The following PLCB2 variants were observed in gnomAD, a reference collection of about 807,000 sequenced individuals.
The protein encoded by PLCB2 is phospholipase C beta 2.
In PLCB2, 115 loss-of-function variants were observed where a neutral mutation model predicts 141.7. The ratio of observed to expected loss-of-function variants is 0.81; its 90% CI spans 0.70 to 0.95. PLCB2 has a LOEUF of 0.95. PLCB2 is among the 40% of genes least tolerant of loss of function. The pLI, the probability that PLCB2 is intolerant of heterozygous loss-of-function variation, is 0.00. For missense variants in PLCB2, 1,403 were observed against 1,541.1 expected (o/e 0.91, Z 1.50); for synonymous variants, 603 against 595.6 (o/e 1.01, Z -0.18).
Position 40,292,921 on chromosome 15 carries a change from C to T in PLCB2, c.2326+5G>A, listed in dbSNP as rs1431317639. On this transcript the variant is annotated splice_donor_5th_base_variant and intron_variant, in intron 21 of 31. Transcript: ENST00000260402. ...CTTGGAACAGTGAAGGACCCCACTC[C>T]TTACCAGAATTTAGGGCATTGATGG... The T allele has an allele frequency of 6.3e-7, 1 of 1,584,990 alleles. No homozygotes were observed. The highest frequency in any genetic ancestry group is 8.6e-7 in the Non-Finnish European group (1 of 1,158,942).
At chr15:40,292,694 T>C (rs1164147050) in intron 21 of PLCB2, among the ~76,000 whole-genome samples, 1 of 152,190 alleles carries the variant, frequency 6.6e-6, no homozygotes, top group East Asian at 1.9e-4. Context: ...TGCCCATAAG[T>C]GTCAGCTACT....
At position 40,296,872 on chromosome 15, in the gene PLCB2, G is replaced by A. The variant is rs1422924236; in HGVS notation, c.1360C>T (p.Leu454Phe). The change falls in exon 14 of 32, where the codon CTC becomes TTC. Residue 454 changes from leucine (L) to phenylalanine (F), a missense_variant. Around this residue, in one of 4 missense-constraint regions of PLCB2, gnomAD observed 975 missense variants for 1,141.1 expected, o/e 0.85. Coordinates refer to ENST00000260402, the MANE Select transcript of PLCB2 (RefSeq NM_004573.3). ...PGVPLPSPEDLRGKILIKNKK... is the reference protein window; with the variant it reads ...PGVPLPSPEDFRGKILIKNKK... ...TTCTTGATGAGGATCTTGCCCCTGAGATCCTCAGGGCTGGGCAGGGGGACA... is the reference window on the plus strand; with the variant it reads ...TTCTTGATGAGGATCTTGCCCCTGAAATCCTCAGGGCTGGGCAGGGGGACA... The A allele has an allele frequency of 1.2e-6, 2 of 1,614,138 alleles. No individual in the cohort carries two copies. The highest frequency in any genetic ancestry group is 4.5e-5 in the East Asian group (2 of 44,870).
At chr15:40,296,951 T>C (rs372239445) in intron 13 of PLCB2, 43 bp from the exon 14 acceptor site, 1 of 1,603,908 alleles carries the variant, frequency 6.2e-7, no homozygotes, top group Non-Finnish European at 8.5e-7. Flanking sequence ...CTCACCTTCA[T>C]GGCATAGCCT....
At chr15:40,301,412 G>A in intron 7 of PLCB2, 1 of 613,538 alleles carries the variant, frequency 1.6e-6, no homozygotes, top group Non-Finnish European at 2.9e-6. Flanking sequence ...TTCATGGGGT[G>A]ACCCTGCTTA....
intron 1 of PLCB2, among the ~76,000 whole-genome samples, 196 bp from the exon 2 acceptor site, chr15:40,304,274 T>C (rs2040683991): frequency 6.6e-6 from 1 of 151,776 alleles, no homozygotes; most frequent in Non-Finnish European, 1.5e-5. Flanking sequence ...AAGAGAAGGG[T>C]TTTCCCCTCT....
chr15:40,307,649 C>T lies in PLCB2; in HGVS notation c.24G>A (p.Leu8=). The change falls in exon 1 of 32, where the codon CTG becomes CTA. Residue 8 remains leucine, a synonymous_variant. Coordinates refer to ENST00000260402, the MANE Select transcript of PLCB2 (RefSeq NM_004573.3). The part of the protein sequence containing the change: MSLLNPV[L]LPPKVKAYLS... ...GATAGGCCTTCACCTTGGGGGGCAG[C>T]AGGACAGGGTTGAGCAGAGACATGG... 1 of 1,580,828 alleles carries T rather than the reference C, an allele frequency of 6.3e-7. No homozygotes were observed. The highest frequency in any genetic ancestry group is 1.2e-5 in the South Asian group (1 of 86,540).
intron 1 of PLCB2, among the ~76,000 whole-genome samples, chr15:40,304,938 G>A (rs1052643831): frequency 5.9e-5 from 9 of 152,158 alleles, no homozygotes; most frequent in Admixed American, 3.9e-4. Context: ...AATAGTTGCC[G>A]TATACTAAAA....
At position 40,302,396 on chromosome 15, in the gene PLCB2, C is replaced by T. The variant is rs28395842; in HGVS notation, c.373-47G>A. On this transcript the variant is annotated intron_variant, in intron 4 of 31. Transcript: ENST00000260402. ...CGGTCAGGCTCCTGAGCACCCCCGC[C>T]CAGGCCTGTGTCTCTCAGGAAGTCC... 1.4e-3 allele frequency: 2,326 copies of T among 1,611,898 alleles called. 26 individuals carry two copies. In the African/African-American group the frequency reaches 0.027, roughly 18 times the overall value.
intron 2 of PLCB2, 74 bp from the exon 3 acceptor site, chr15:40,303,430 A>G: frequency 9.6e-7 from 1 of 1,038,490 alleles, no homozygotes; most frequent in Non-Finnish European, 1.5e-6. Flanking sequence ...AAGAATGAGC[A>G]ATAGGGAGAA....
intron 29 of PLCB2, 139 bp downstream of exon 29, chr15:40,290,438 G>C (rs2039825580): frequency 1.4e-6 from 1 of 719,410 alleles, no homozygotes; most frequent in Non-Finnish European, 2.5e-6. Context: ...CTGATCAAAG[G>C]TGACAGGGGG....
chr15:40,287,036 A>T (rs978909106), downstream of PLCB2, among the ~76,000 whole-genome samples: 1 of 152,200 alleles, frequency 6.6e-6, no homozygotes, highest in Non-Finnish European at 1.5e-5. Flanking sequence ...GCTTACGTGC[A>T]CATGCCTGGG....
At chr15:40,294,566 G>T (rs560529985) in intron 18 of PLCB2, 146 bp from the exon 19 acceptor site, 6 of 782,546 alleles carry the variant, frequency 7.7e-6, no homozygotes, top group African/African-American at 1.7e-5. Flanking sequence ...TCCCAGTCTG[G>T]TTCCTTGCAG....
chr15:40,289,974 T>A lies in PLCB2; in HGVS notation c.3267+51A>T, dbSNP rs750783442. ...GAGAGAGAGAGAGAGAGAGAGTGTG[T>A]GTGTGTGTGTGTGTGTGTGTGTGTT... On this transcript the variant is annotated intron_variant, in intron 30 of 31. Transcript: ENST00000260402. 2.0e-5 allele frequency: 17 copies of A among 838,114 alleles called. No individual in the cohort carries two copies. In the African/African-American group the frequency reaches 2.7e-4, roughly 13 times the overall value. The allele number at this position is 838,114 out of a possible 1,614,324, so 51.9% of individuals were successfully genotyped here.
downstream of PLCB2, chr15:40,287,843 A>G: frequency 5.3e-6 from 4 of 761,356 alleles, no homozygotes; most frequent in South Asian, 1.2e-4. Context: ...GTTTCATTTC[A>G]GGGGCACTCC....
At chr15:40,284,279 G>C, downstream of PLCB2, 1 of 338,280 alleles carries the variant, frequency 3.0e-6, no homozygotes, top group South Asian at 2.2e-5. Flanking sequence ...AATTTACTGA[G>C]ACTTTTCATG....
intron 16 of PLCB2, among the ~76,000 whole-genome samples, chr15:40,295,528 G>A (rs111774373): frequency 6.6e-6 from 1 of 152,152 alleles, no homozygotes; most frequent in Non-Finnish European, 1.5e-5. Context: ...GATGTGGAGA[G>A]TGAGACCCAC....
chr15:40,298,687 A>G lies in PLCB2; in HGVS notation c.872T>C (p.Met291Thr). ...AQRGQLSPEG[M>T]VWFLCGPENS... ...CTCTGGCCCACAGAGAAACCAGACC[A>G]TGCCTTCAGGTGACAGCTGGCCTGG... The change falls in exon 10 of 32, where the codon ATG (methionine) becomes ACG (threonine). Residue 291 changes from methionine to threonine, a missense_variant. Coordinates refer to ENST00000260402, the MANE Select transcript of PLCB2 (RefSeq NM_004573.3). The G allele has an allele frequency of 6.2e-7, 1 of 1,614,182 alleles. No homozygotes were observed. The highest frequency in any genetic ancestry group is 8.5e-7 in the Non-Finnish European group (1 of 1,180,012).
At chr15:40,289,542 A>G (rs577275419) in intron 30 of PLCB2, 184 bp from the exon 31 acceptor site, 17 of 603,862 alleles carry the variant, frequency 2.8e-5, no homozygotes, top group Non-Finnish European at 4.7e-5. Flanking sequence ...AAGATTATAC[A>G]AGACAGCTCA....
Position 40,297,017 on chromosome 15 carries a change from C to G in PLCB2, c.1324-109G>C, listed in dbSNP as rs2305650. On this transcript the variant is annotated intron_variant, in intron 13 of 31. Coordinates refer to ENST00000260402, the MANE Select transcript of PLCB2 (RefSeq NM_004573.3). This position sits in a 1 kb window ranked among gnomAD's most constrained non-coding sequence, Gnocchi z 4.2. ...GCCTCCCCCACTCCTCTTGACCTGC[C>G]TCTCACTACTGCTTATCATCCCCAT... The G allele has an allele frequency of 0.25, 246,831 of 990,854 alleles. 35,646 individuals are homozygous for G. Among genetic ancestry groups the G allele is most frequent in the East Asian group, 0.69 (28,547 of 41,506 alleles). 61.4% of individuals were successfully genotyped at this position (990,854 alleles called of 1,614,324 possible).
Sources: gnomAD v4.1 joint callset for allele counts (sites outside exome capture counted in the v4.1 genomes callset) on GRCh38, gnomAD v4.1.1 for gene constraint, gnomAD v4.1.1 regional missense constraint, Gnocchi (gnomAD v3.1) non-coding constraint, MANE v1.5 for transcripts, NCBI Gene and HGNC (gene_info 2026-07-23, HGNC 2026-07-21) for gene names.